CHRDL1: variants seen among roughly 807,000 people sequenced by gnomAD.
CHRDL1 encodes the protein chordin-like protein 1.
A neutral mutation model predicts 40.9 loss-of-function variants in CHRDL1; 19 were observed. That is an observed-to-expected ratio of 0.46 (90% CI 0.32 to 0.68). The LOEUF (loss-of-function observed/expected upper bound fraction) is 0.68, where lower values mean the gene tolerates loss of function less well. Among genes scored for constraint, CHRDL1 ranks in the 30% least tolerant of loss-of-function variants. The pLI, the probability that CHRDL1 is intolerant of heterozygous loss-of-function variation, is 0.03. For missense variants in CHRDL1, 329 were observed against 352.1 expected (o/e 0.93, Z 0.53); for synonymous variants, 136 against 123.4 (o/e 1.10, Z -0.68).
At chrX:110,743,518 C>T (rs887923102) in intron 4 of CHRDL1, among the ~76,000 whole-genome samples, 5 of 111,936 alleles carry the variant, frequency 4.5e-5, no homozygotes, top group African/African-American at 9.7e-5. Flanking sequence ...GCTCCCTGAG[C>T]TATTTGCCCA....
At chrX:110,732,578 G>A (rs762570534) in intron 4 of CHRDL1, among the ~76,000 whole-genome samples, 47 of 111,706 alleles carry the variant, frequency 4.2e-4, no homozygotes, top group African/African-American at 1.3e-3. Context: ...CTCCTCATCC[G>A]GACCCCATCT....
chrX:110,694,240 C>T lies in CHRDL1; in HGVS notation c.701G>A (p.Gly234Glu), dbSNP rs1286952146. The T allele has an allele frequency of 5.0e-6, 6 of 1,206,600 alleles. No individual in the cohort carries two copies. The highest frequency in any genetic ancestry group is 6.7e-6 in the Non-Finnish European group (6 of 892,112). ...SRFPGARSHR[G>E]ALMDSQQASG... is the part of the protein sequence containing the mutation. ...TGCTTGCTGGGAATCCATAAGAGCT[C>T]CCCGGTGACTTCTGGCCCCAGGAAA... The change falls in exon 8 of 12, where the codon GGA becomes GAA. Residue 234 changes from glycine (G) to glutamate (E), a missense_variant. Physicochemically the swap from Gly to Glu is moderately conservative, Grantham distance 98. Coordinates refer to ENST00000372042, the MANE Select transcript of CHRDL1 (RefSeq NM_001143981.2).
chrX:110,731,645 T>C (rs936880725), intron 4 of CHRDL1, among the ~76,000 whole-genome samples: 3 of 111,894 alleles, frequency 2.7e-5, no homozygotes, highest in Non-Finnish European at 5.6e-5. Context: ...CCATAAAATG[T>C]AATATTATTG....
In CHRDL1 at chrX:110,701,894, C is replaced by A. The variant is rs951655382; in HGVS notation, c.542-1173G>T. On this transcript the variant is annotated intron_variant, in intron 6 of 11. Coordinates refer to ENST00000372042, the MANE Select transcript of CHRDL1 (RefSeq NM_001143981.2). Reference sequence around the variant, plus strand: ...AGGGGAAATTAGGTAGTATCATAGGCTTTTAAGGGCTTGAAAACGACCTAA... The same window carrying A: ...AGGGGAAATTAGGTAGTATCATAGGATTTTAAGGGCTTGAAAACGACCTAA... Among the ~76,000 whole-genome samples, 8 of 111,648 alleles carry A rather than the reference C, an allele frequency of 7.2e-5. No individual in the cohort carries two copies. In the Admixed American group the frequency reaches 7.6e-4, roughly 11 times the overall value.
intron 4 of CHRDL1, among the ~76,000 whole-genome samples, chrX:110,738,611 G>A (rs1017095747): frequency 1.8e-5 from 2 of 109,344 alleles, no homozygotes; most frequent in Admixed American, 9.8e-5. Context: ...GCGTGGTGGC[G>A]GGCGCCTGTA....
At chrX:110,764,415 C>T (rs2089623397) in intron 2 of CHRDL1, among the ~76,000 whole-genome samples, 1 of 112,062 alleles carries the variant, frequency 8.9e-6, no homozygotes, top group African/African-American at 3.2e-5. Flanking sequence ...TGGACATTAA[C>T]CAGTTCCCAA....
At chrX:110,758,831 C>T (rs893602869) in intron 4 of CHRDL1, among the ~76,000 whole-genome samples, 1 of 111,899 alleles carries the variant, frequency 8.9e-6, no homozygotes, top group Non-Finnish European at 1.9e-5. Context: ...CTCAAAAGCC[C>T]ATCCAGGAAC....
intron 10 of CHRDL1, among the ~76,000 whole-genome samples, chrX:110,680,099 C>T (rs1167158175): frequency 3.6e-5 from 4 of 111,788 alleles, no homozygotes; most frequent in Admixed American, 9.5e-5. Flanking sequence ...CTTAAATGGG[C>T]GAAGTAGATT....
chrX:110,752,389 G>T (rs1426808901), intron 4 of CHRDL1, among the ~76,000 whole-genome samples: 1 of 112,028 alleles, frequency 8.9e-6, no homozygotes, highest in Non-Finnish European at 1.9e-5. Flanking sequence ...CTTGAAGAAG[G>T]TTTTAACCCC....
At chrX:110,764,054 G>C (rs2089614852) in intron 2 of CHRDL1, among the ~76,000 whole-genome samples, 1 of 111,367 alleles carries the variant, frequency 9.0e-6, no homozygotes, top group Non-Finnish European at 1.9e-5. Flanking sequence ...ATCTTCTTTT[G>C]AGAATTGTCT....
Position 110,693,739 on chromosome X carries a change from A to C in CHRDL1, c.778+424T>G, listed in dbSNP as rs191530566. Among the ~76,000 whole-genome samples, 37 of 111,070 alleles carry C rather than the reference A, an allele frequency of 3.3e-4. No individual in the cohort carries two copies. In the East Asian group the frequency reaches 6.3e-3, roughly 19 times the overall value. On this transcript the variant is annotated intron_variant, in intron 8 of 11. Transcript: ENST00000372042. ...AATATGTATCTTTAACGAGAGCCCC[A>C]GGGTAATCTGGGGTGCATTGAGGTG... is the stretch of plus-strand genomic sequence containing the variant.
At chrX:110,725,267 C>G (rs773509203) in intron 4 of CHRDL1, among the ~76,000 whole-genome samples, 1 of 112,038 alleles carries the variant, frequency 8.9e-6, no homozygotes, top group Non-Finnish European at 1.9e-5. Context: ...GAAAATACCC[C>G]CTTATCCCAA....
At chrX:110,687,810 TCAACCC>T (rs2070056450) in intron 9 of CHRDL1, among the ~76,000 whole-genome samples, 1 of 111,451 alleles carries the variant, frequency 9.0e-6, no homozygotes, top group Non-Finnish European at 1.9e-5. Flanking sequence ...CTATATTCTG[TCAACCC>T]CAATATTAGG....
intron 4 of CHRDL1, among the ~76,000 whole-genome samples, chrX:110,758,335 T>A (rs937567492): frequency 3.7e-5 from 4 of 109,183 alleles, no homozygotes; most frequent in African/African-American, 1.3e-4. Flanking sequence ...AGGTTGGTCA[T>A]ATGCCAAGTC....
chrX:110,746,655 T>C (rs2089258794), intron 4 of CHRDL1, among the ~76,000 whole-genome samples: 1 of 111,338 alleles, frequency 9.0e-6, no homozygotes, highest in African/African-American at 3.3e-5. Context: ...TCCCCTCATC[T>C]TTTCCCTGAG....
At chrX:110,757,705 G>T (rs1195268109) in intron 4 of CHRDL1, among the ~76,000 whole-genome samples, 1 of 111,557 alleles carries the variant, frequency 9.0e-6, no homozygotes, top group Non-Finnish European at 1.9e-5. Context: ...AAAAGGAATA[G>T]TTTATTTCTA....
intron 4 of CHRDL1, among the ~76,000 whole-genome samples, chrX:110,726,250 G>A (rs2071054841): frequency 9.0e-6 from 1 of 111,592 alleles, no homozygotes; most frequent in African/African-American, 3.3e-5. Context: ...TGTTGAAATC[G>A]TAACCCCCAA....
rs757432744 is a variant in CHRDL1, at chrX:110,727,641, A to T, written c.302-6111T>A. On this transcript the variant is annotated intron_variant, in intron 4 of 11. Coordinates refer to ENST00000372042, the MANE Select transcript of CHRDL1 (RefSeq NM_001143981.2). ...AGACATGAAAAAATCAACCTCATTC[A>T]TTAGAGAAATATAAATTAAAACTGC... Among the ~76,000 whole-genome samples, 7 of 112,329 alleles carry T rather than the reference A, an allele frequency of 6.2e-5. No individual in the cohort carries two copies. The East Asian group carries it at 1.4e-3, about 22-fold the overall frequency.
intron 4 of CHRDL1, among the ~76,000 whole-genome samples, chrX:110,757,924 T>C (rs770467022): frequency 9.1e-6 from 1 of 109,712 alleles, no homozygotes; most frequent in African/African-American, 3.3e-5. Flanking sequence ...TATTCTATGT[T>C]GTTTTGCCCC....
Sources: allele counts gnomAD v4.1 joint callset (sites outside exome capture counted in the v4.1 genomes callset), GRCh38; gene constraint gnomAD v4.1.1; transcripts MANE v1.5; gene names NCBI Gene and HGNC (gene_info 2026-07-23, HGNC 2026-07-21).